The following CDH18 variants were observed in gnomAD, a reference collection of about 807,000 sequenced individuals.
CDH18 encodes cadherin 18, also known as cadherin-18.
In CDH18, 31 loss-of-function variants were observed where a neutral mutation model predicts 67.9. The ratio of observed to expected loss-of-function variants is 0.46; its 90% CI spans 0.34 to 0.62. CDH18 has a LOEUF of 0.62. Among genes scored for constraint, CDH18 ranks in the 20% least tolerant of loss-of-function variants. The pLI is 0.01. For missense variants in CDH18, 890 were observed against 975.5 expected (o/e 0.91, Z 1.17); for synonymous variants, 362 against 347.2 (o/e 1.04, Z -0.48).
intron 10 of CDH18, among the ~76,000 whole-genome samples, chr5:19,515,009 G>C (rs896089768): frequency 2.6e-5 from 4 of 152,118 alleles, no homozygotes; most frequent in Non-Finnish European, 4.4e-5. Flanking sequence ...AATCCATCTC[G>C]AATTAATATC....
intron 2 of CDH18, among the ~76,000 whole-genome samples, chr5:20,016,055 A>G (rs1378747040): frequency 6.6e-6 from 1 of 152,278 alleles, no homozygotes; most frequent in East Asian, 1.9e-4. Context: ...AAAACAATGA[A>G]TCAATCTAAA....
chr5:19,562,709 T>C lies in CDH18; in HGVS notation c.1253+8870A>G, dbSNP rs1739672043. Reference sequence around the variant, plus strand: ...CCATCATAAGCATTTGAAACAATTATGCGAAATATTTAATCATTTATTTCC... The same window carrying C: ...CCATCATAAGCATTTGAAACAATTACGCGAAATATTTAATCATTTATTTCC... On this transcript the variant is annotated intron_variant, in intron 8 of 12. Coordinates refer to ENST00000382275, the MANE Select transcript of CDH18 (RefSeq NM_004934.5). 2.0e-5 allele frequency among the ~76,000 whole-genome samples: 3 copies of C among 152,170 alleles called. No homozygotes were observed. In the South Asian group the frequency reaches 6.2e-4, roughly 31 times the overall value.
chr5:19,643,464 T>C (rs1310577920), intron 5 of CDH18, among the ~76,000 whole-genome samples: 1 of 152,050 alleles, frequency 6.6e-6, no homozygotes, highest in Non-Finnish European at 1.5e-5. Context: ...AAAGAAAACG[T>C]GGTTTATTTA....
intron 1 of CDH18, among the ~76,000 whole-genome samples, chr5:20,389,657 C>CA (rs1474493280): frequency 6.6e-5 from 10 of 151,864 alleles, no homozygotes; most frequent in African/African-American, 9.7e-5. Flanking sequence ...CATATGGAAC[C>CA]AAAAAAGAGC....
chr5:20,370,855 G>T (rs886800716), intron 1 of CDH18, among the ~76,000 whole-genome samples: 1 of 152,046 alleles, frequency 6.6e-6, no homozygotes, highest in Admixed American at 6.6e-5. Flanking sequence ...TGGCCAACAT[G>T]ATGAAACCCC....
intron 11 of CDH18, among the ~76,000 whole-genome samples, chr5:19,489,140 A>G (rs1323972300): frequency 6.6e-6 from 1 of 152,094 alleles, no homozygotes; most frequent in Non-Finnish European, 1.5e-5. Context: ...AATTATAACC[A>G]TCTTAACTGA....
intron 1 of CDH18, among the ~76,000 whole-genome samples, chr5:20,367,662 A>G (rs1162474908): frequency 6.6e-6 from 1 of 152,246 alleles, no homozygotes; most frequent in Admixed American, 6.5e-5. Flanking sequence ...AAATATACAT[A>G]AAGGAAATGC....
At chr5:20,401,508 G>A (rs1364587460) in intron 1 of CDH18, among the ~76,000 whole-genome samples, 1 of 151,992 alleles carries the variant, frequency 6.6e-6, no homozygotes, top group African/African-American at 2.4e-5. Flanking sequence ...TCCTGAACAT[G>A]GTTTCTGAAT....
intron 5 of CDH18, among the ~76,000 whole-genome samples, chr5:19,635,437 C>T (rs1249927229): frequency 6.6e-6 from 1 of 152,058 alleles, no homozygotes; most frequent in African/African-American, 2.4e-5. Context: ...AATTATCATG[C>T]CAAAATTGTT....
intron 3 of CDH18, among the ~76,000 whole-genome samples, chr5:19,772,940 T>C (rs1773889794): frequency 6.6e-6 from 1 of 152,140 alleles, no homozygotes; most frequent in Middle Eastern, 3.2e-3. Flanking sequence ...TTAAACATTA[T>C]GTATATGTCC....
chr5:20,119,727 T>G (rs1748196510), intron 2 of CDH18, among the ~76,000 whole-genome samples: 1 of 152,186 alleles, frequency 6.6e-6, no homozygotes, highest in African/African-American at 2.4e-5. Flanking sequence ...GCACCGAGCT[T>G]GGTGCTGGAG....
At chr5:20,021,020 C>A (rs762003220) in intron 2 of CDH18, among the ~76,000 whole-genome samples, 1 of 151,874 alleles carries the variant, frequency 6.6e-6, no homozygotes, top group Non-Finnish European at 1.5e-5. Context: ...TGGGACCCAA[C>A]CCCTTATCTC....
intron 8 of CDH18, among the ~76,000 whole-genome samples, chr5:19,548,304 T>A (rs1314401130): frequency 1.3e-5 from 2 of 148,916 alleles, no homozygotes; most frequent in African/African-American, 2.5e-5. Context: ...GATTTTAAAT[T>A]AAAAAAAAAA....
At chr5:19,515,859 G>T (rs1398488113) in intron 10 of CDH18, among the ~76,000 whole-genome samples, 1 of 152,056 alleles carries the variant, frequency 6.6e-6, no homozygotes, top group Non-Finnish European at 1.5e-5. Flanking sequence ...TTGCCTGATT[G>T]CCCTGGCCAG....
intron 2 of CDH18, among the ~76,000 whole-genome samples, chr5:20,003,678 G>A (rs1736634511): frequency 6.6e-6 from 1 of 152,102 alleles, no homozygotes; most frequent in African/African-American, 2.4e-5. Context: ...GGATCACGAG[G>A]TCAGGAGATC....
rs191591964 is a variant in CDH18, at chr5:20,068,386, T to C, written c.-517-76372A>G. Among the ~76,000 whole-genome samples, 3 of 152,142 alleles carry C rather than the reference T, an allele frequency of 2.0e-5. No individual in the cohort carries two copies. In the East Asian group the frequency reaches 5.8e-4, roughly 29 times the overall value. Reference sequence around the variant, plus strand: ...GGGTTCAAAATATGTGCTAAAAATATAAAAACATCCTCAAAATGCTAAATA... The same window carrying C: ...GGGTTCAAAATATGTGCTAAAAATACAAAAACATCCTCAAAATGCTAAATA... On this transcript the variant is annotated intron_variant, in intron 2 of 14. Transcript: ENST00000507958.
intron 9 of CDH18, 64 bp downstream of exon 9, chr5:19,543,805 G>A: frequency 8.0e-7 from 1 of 1,250,920 alleles, no homozygotes; most frequent in Non-Finnish European, 1.1e-6. Flanking sequence ...CTGCTCTTAA[G>A]GAAATTTCAG....
intron 1 of CDH18, among the ~76,000 whole-genome samples, chr5:20,381,660 C>A (rs191784743): frequency 3.3e-5 from 5 of 151,972 alleles, no homozygotes; most frequent in African/African-American, 1.2e-4. Flanking sequence ...AATAAAATCT[C>A]AAATAAATAA....
intron 1 of CDH18, among the ~76,000 whole-genome samples, chr5:20,334,465 A>G (rs903221320): frequency 6.6e-6 from 1 of 152,072 alleles, no homozygotes; most frequent in Non-Finnish European, 1.5e-5. Flanking sequence ...GGCACTGGAA[A>G]GACTAATAAT....
Sources: gnomAD v4.1 joint callset for allele counts (sites outside exome capture counted in the v4.1 genomes callset) on GRCh38, gnomAD v4.1.1 for gene constraint, MANE v1.5 for transcripts, NCBI Gene and HGNC (gene_info 2026-07-23, HGNC 2026-07-21) for gene names.